Variants in ADGRL1 observed in about 807,000 individuals in gnomAD.
ADGRL1 encodes CIRL-1.
ADGRL1 carries 31 observed loss-of-function variants against 148.9 expected under a neutral mutation model. The observed-to-expected ratio is 0.21, with a 90% CI of 0.16 to 0.28. The LOEUF is 0.28. Ranked by LOEUF, ADGRL1 falls within the 10% of genes least tolerant of loss-of-function variation. The probability of loss-of-function intolerance (pLI) is 1.00; values close to 1 mark genes in which losing one functional copy is unlikely to be tolerated. For missense variants in ADGRL1, 1,521 were observed against 2,058.8 expected, an observed-to-expected ratio of 0.74 and a Z score of 5.05; for synonymous variants, 937 against 900.3, an observed-to-expected ratio of 1.04 and a Z score of -0.73.
intron 4 of ADGRL1, 88 bp from the exon 5 acceptor site, chr19:14,163,494 G>GAA (rs1568588984): frequency 1.0e-6 from 1 of 984,288 alleles, no homozygotes; most frequent in African/African-American, 1.7e-5. Context: ...GAGAGAGAGA[G>GAA]AGAGGGGGGA....
At chr19:14,163,465 G>GGAGAGGGAGGA (rs1555785180) in intron 4 of ADGRL1, 59 bp from the exon 5 acceptor site, 1 of 641,406 alleles carries the variant, frequency 1.6e-6, no homozygotes, top group Non-Finnish European at 2.4e-6. Context: ...GCGAGAGGGA[G>GGAGAGGGAGGA]GAGAGAGAGA....
chr19:14,151,319 C>T lies in ADGRL1; in HGVS notation c.3964G>A (p.Gly1322Ser), dbSNP rs1219293463. 3.1e-6 allele frequency: 5 copies of T among 1,596,932 alleles called. No homozygotes were observed. The highest frequency in any genetic ancestry group is 4.3e-6 in the Non-Finnish European group (5 of 1,173,028). The change falls in exon 23 of 23, where the codon GGT (glycine) becomes AGT (serine). Residue 1322 changes from glycine (G) to serine (S), a missense_variant. This residue lies in a region of ADGRL1 where 390 missense variants were observed against 375.0 expected (regional missense o/e 1.04). Coordinates refer to ENST00000361434, the MANE Select transcript of ADGRL1 (RefSeq NM_014921.5). ...GGEEEAGGPG[G>S]ADRAEIELLY... is the part of the protein sequence containing the mutation. ...AGTTCAATCTCGGCCCGGTCAGCAC[C>T]CCCGGGCCCGCCCGCCTCTTCCTCG...
intron 1 of ADGRL1, among the ~76,000 whole-genome samples, chr19:14,198,120 G>A (rs1034760584): frequency 6.6e-6 from 1 of 152,132 alleles, no homozygotes; most frequent in Non-Finnish European, 1.5e-5. Flanking sequence ...GCTGAGATGT[G>A]GCTGGGGCCC....
chr19:14,183,585 T>C lies in ADGRL1; in HGVS notation c.18A>G (p.Ala6=). 1 of 1,582,404 alleles carries C rather than the reference T, an allele frequency of 6.3e-7. No homozygotes were observed. Among genetic ancestry groups the C allele is most frequent in the Non-Finnish European group, 8.6e-7 (1 of 1,164,024 alleles). Residue 6 remains alanine (A), a synonymous_variant, in exon 2 of 23, where the codon GCA becomes GCG. Transcript: ENST00000361434. MARLA[A]VLWNLCVTAV... ...CGGTGACACACAGATTCCAGAGCACTGCGGCTAGGCGGGCCATGGTGGCAG... is the reference window on the plus strand; with the variant it reads ...CGGTGACACACAGATTCCAGAGCACCGCGGCTAGGCGGGCCATGGTGGCAG...
intron 1 of ADGRL1, among the ~76,000 whole-genome samples, chr19:14,201,842 A>C (rs1972632926): frequency 6.6e-6 from 1 of 152,158 alleles, no homozygotes; most frequent in Non-Finnish European, 1.5e-5. Flanking sequence ...GACAGTAAAC[A>C]AACAAGCGCA....
chr19:14,183,428 G>A, intron 2 of ADGRL1, 105 bp downstream of exon 2: 5 of 1,060,144 alleles, frequency 4.7e-6, no homozygotes, highest in South Asian at 1.5e-5. Context: ...GGGGCAGGGG[G>A]CTGTAATTCT....
chr19:14,150,698 A>G lies in ADGRL1; in HGVS notation c.*175T>C. Reference sequence around the variant, plus strand: ...GGAAACCCTGTCTGTGAACCCTGGCACCTCAGGCCCCCAGGTTAGAGTCCC... The same window carrying G: ...GGAAACCCTGTCTGTGAACCCTGGCGCCTCAGGCCCCCAGGTTAGAGTCCC... On this transcript the variant is annotated 3_prime_UTR_variant, in exon 23 of 23. Transcript: ENST00000361434. 1.5e-6 allele frequency: 1 copy of G among 687,704 alleles called. No individual in the cohort carries two copies. Among genetic ancestry groups the G allele is most frequent in the Non-Finnish European group, 2.3e-6 (1 of 428,428 alleles). 42.6% of individuals were successfully genotyped at this position (687,704 alleles called of 1,614,324 possible).
At chr19:14,205,378 G>A (rs1435524894) in intron 1 of ADGRL1, among the ~76,000 whole-genome samples, 7 of 151,774 alleles carry the variant, frequency 4.6e-5, no homozygotes, top group Admixed American at 3.9e-4. Context: ...TCCTGACAGC[G>A]GCGCCCCCCG....
chr19:14,160,652 G>C lies in ADGRL1; in HGVS notation c.1555C>G (p.Pro519Ala). The C allele has an allele frequency of 6.2e-7, 1 of 1,613,232 alleles. No homozygotes were observed. Among genetic ancestry groups the C allele is most frequent in the Non-Finnish European group, 8.5e-7 (1 of 1,179,816 alleles). ...QCLPALGLWN[P>A]RGPDLSNCTS... The stretch of plus-strand genomic sequence containing the variant: ...CAGTTGCTGAGGTCAGGGCCCCGGG[G>C]GTTCCAGAGCCCCAAGGCTGGTAGA... Residue 519 changes from proline to alanine, a missense_variant, in exon 7 of 23, where the codon CCC becomes GCC. By Grantham distance (27) the Pro-to-Ala change is conservative (BLOSUM62 -1). Coordinates refer to ENST00000361434, the MANE Select transcript of ADGRL1 (RefSeq NM_014921.5). The surrounding 1 kb of genome is among the most constrained non-coding windows in gnomAD (Gnocchi z 5.9).
chr19:14,196,358 C>T lies in ADGRL1; in HGVS notation c.-96+9627G>A, dbSNP rs1374443373. Among the ~76,000 whole-genome samples, 4 of 152,358 alleles carry T rather than the reference C, an allele frequency of 2.6e-5. No homozygotes were observed. In the East Asian group the frequency reaches 7.7e-4, roughly 29 times the overall value. ...ACTGGGCCGGATGTGGCGGCGCACA[C>T]CTGTAATCCCAGCACTTCAGGAGGC... is the stretch of plus-strand genomic sequence containing the variant. On this transcript the variant is annotated intron_variant, in intron 1 of 22. Transcript: ENST00000361434.
At chr19:14,174,527 T>A (rs969493412) in intron 3 of ADGRL1, among the ~76,000 whole-genome samples, 5 of 148,580 alleles carry the variant, frequency 3.4e-5, no homozygotes, top group African/African-American at 1.2e-4. Flanking sequence ...CCTCCCCTGG[T>A]AACACACATT....
chr19:14,175,365 A>G (rs939159766), intron 3 of ADGRL1, among the ~76,000 whole-genome samples: 4 of 120,032 alleles, frequency 3.3e-5, no homozygotes, highest in Admixed American at 9.7e-5. Context: ...TTAAATACAC[A>G]AAGACACAGC....
rs1969589110 is a variant in ADGRL1, at chr19:14,163,249, CTCAG to C, written c.548_551del (p.Thr183SerfsTer104). ...CCACGTAGTCCTCCCACGAGGCATA[CTCAG>C]TCAGTGTGTCCGTGCGGTAGGGGAT... On this transcript the variant is annotated frameshift_variant, in exon 5 of 23. Transcript: ENST00000361434. LOFTEE classifies it high-confidence loss of function. 2 of 1,613,632 alleles carry C rather than the reference CTCAG, an allele frequency of 1.2e-6. No individual in the cohort carries two copies. The highest frequency in any genetic ancestry group is 1.7e-5 in the Admixed American group (1 of 60,008).
rs778605572 is a variant in ADGRL1, at chr19:14,157,153, G to C, written c.2746-8C>G. ...GAAGATGGGGCAGGCAATCTGCGGG[G>C]AGCACTGAGGGTGAGGGGCTGCTGC... On this transcript the variant is annotated splice_polypyrimidine_tract_variant and splice_region_variant and intron_variant, in intron 14 of 22. Transcript: ENST00000361434. This position sits in a 1 kb window ranked among gnomAD's most constrained non-coding sequence, Gnocchi z 7.5. 1.2e-6 allele frequency: 2 copies of C among 1,613,898 alleles called. No homozygotes were observed. Among genetic ancestry groups the C allele is most frequent in the South Asian group, 2.2e-5 (2 of 91,074 alleles).
At chr19:14,151,860 C>T (rs1173609128) in intron 22 of ADGRL1, among the ~76,000 whole-genome samples, 3 of 152,180 alleles carry the variant, frequency 2.0e-5, no homozygotes, top group Non-Finnish European at 4.4e-5. Flanking sequence ...GATCTCATCC[C>T]CAGCTGGAGG....
At chr19:14,198,959 G>A (rs890766925) in intron 1 of ADGRL1, among the ~76,000 whole-genome samples, 2 of 152,214 alleles carry the variant, frequency 1.3e-5, no homozygotes, top group Non-Finnish European at 2.9e-5. Flanking sequence ...GAGCTCAGCA[G>A]AGCAGAGCTG....
Position 14,160,966 on chromosome 19 carries a change from C to T in ADGRL1, c.1511-270G>A, listed in dbSNP as rs554109894. Among the ~76,000 whole-genome samples the T allele has an allele frequency of 6.6e-6, 1 of 152,156 alleles. No individual in the cohort carries two copies. The highest frequency in any genetic ancestry group is 2.4e-5 in the African/African-American group (1 of 41,418). On this transcript the variant is annotated intron_variant, in intron 6 of 22. Transcript: ENST00000361434. The surrounding 1 kb of genome is among the most constrained non-coding windows in gnomAD (Gnocchi z 5.9). ...GCCCATCTTGAACGCCCCCTCTCCACGAAGCACCTGCCAACCCTCCCCTCA... is the reference window on the plus strand; with the variant it reads ...GCCCATCTTGAACGCCCCCTCTCCATGAAGCACCTGCCAACCCTCCCCTCA...
chr19:14,204,547 C>G (rs960269097), intron 1 of ADGRL1, among the ~76,000 whole-genome samples: 2 of 151,982 alleles, frequency 1.3e-5, no homozygotes, highest in African/African-American at 4.8e-5. Flanking sequence ...ATGGTCTGTC[C>G]CCAAACAGCA....
At position 14,152,815 on chromosome 19, in the gene ADGRL1, C is replaced by A; in HGVS notation, c.3392G>T (p.Arg1131Leu). The A allele has an allele frequency of 6.2e-7, 1 of 1,614,122 alleles. No homozygotes were observed. The highest frequency in any genetic ancestry group is 8.5e-7 in the Non-Finnish European group (1 of 1,180,010). Residue 1131 changes from arginine to leucine, a missense_variant, in exon 19 of 23, where the codon CGA (arginine) becomes CTA (leucine). Physicochemically the swap from Arg to Leu is moderately radical, Grantham distance 102. This residue lies in a region of ADGRL1 where 185 missense variants were observed against 251.7 expected (regional missense o/e 0.74). Coordinates refer to ENST00000361434, the MANE Select transcript of ADGRL1 (RefSeq NM_014921.5). This position sits in a 1 kb window ranked among gnomAD's most constrained non-coding sequence, Gnocchi z 6.1. ...THGSLKTSAM[R>L]SNTRYYTGTQ... is the part of the protein sequence containing the mutation. Reference sequence around the variant, plus strand: ...CCCTGTGTAGTAGCGGGTGTTGCTTCGCATGGCTGAGGTCTTGAGGGATCC... The same window carrying A: ...CCCTGTGTAGTAGCGGGTGTTGCTTAGCATGGCTGAGGTCTTGAGGGATCC...
Sources: gnomAD v4.1 joint callset for allele counts (sites outside exome capture counted in the v4.1 genomes callset) on GRCh38, gnomAD v4.1.1 for gene constraint, gnomAD v4.1.1 regional missense constraint, Gnocchi (gnomAD v3.1) non-coding constraint, MANE v1.5 for transcripts, NCBI Gene and HGNC (gene_info 2026-07-23, HGNC 2026-07-21) for gene names.